The following CFAP299 variants were observed in gnomAD, a reference collection of about 807,000 sequenced individuals.
CFAP299 encodes the protein cilia- and flagella-associated protein 299.
Under a neutral mutation model 27.0 loss-of-function variants are expected in CFAP299, and 21 were observed. That is an observed-to-expected ratio of 0.78 (90% CI 0.55 to 1.12). The LOEUF (loss-of-function observed/expected upper bound fraction) is 1.12, where lower values mean the gene tolerates loss of function less well. CFAP299 is among the 50% of genes most tolerant of loss of function. The pLI, the probability that CFAP299 is intolerant of heterozygous loss-of-function variation, is 0.00. For synonymous variants in CFAP299, 104 were observed against 98.1 expected (o/e 1.06, Z -0.36); for missense variants, 310 against 276.6 (o/e 1.12, Z -0.86).
chr4:80,643,496 A>G (rs923129968), intron 3 of CFAP299, among the ~76,000 whole-genome samples: 5 of 152,234 alleles, frequency 3.3e-5, no homozygotes, highest in African/African-American at 7.2e-5. Flanking sequence ...GGATAGTTGT[A>G]TATTGATAGA....
chr4:80,800,026 A>G (rs1171793601), intron 3 of CFAP299, among the ~76,000 whole-genome samples: 2 of 61,174 alleles, frequency 3.3e-5, no homozygotes, highest in Non-Finnish European at 5.5e-5. Flanking sequence ...TATATATTAT[A>G]TATAATATAT....
chr4:80,864,823 T>C (rs569527334), intron 3 of CFAP299, among the ~76,000 whole-genome samples: 2 of 152,254 alleles, frequency 1.3e-5, no homozygotes, highest in Admixed American at 6.5e-5. Flanking sequence ...GTGCTTACCA[T>C]GTATCAGGCA....
At chr4:80,686,795 C>A (rs887594395) in intron 3 of CFAP299, among the ~76,000 whole-genome samples, 1 of 152,150 alleles carries the variant, frequency 6.6e-6, no homozygotes, top group African/African-American at 2.4e-5. Context: ...GCCAAAGATG[C>A]CTATGAAAAC....
intron 2 of CFAP299, among the ~76,000 whole-genome samples, chr4:80,484,811 ATAGTTGTGATAG>A (rs1730728478): frequency 6.6e-6 from 1 of 152,184 alleles, no homozygotes; most frequent in Non-Finnish European, 1.5e-5. Context: ...TTAATTTTTT[ATAGTTGTGATAG>A]AGGAAAATAA....
At chr4:80,812,093 T>C (rs946509543) in intron 3 of CFAP299, among the ~76,000 whole-genome samples, 1 of 152,056 alleles carries the variant, frequency 6.6e-6, no homozygotes, top group Non-Finnish European at 1.5e-5. Context: ...AGTATTCATA[T>C]ATTAGTATTC....
intron 3 of CFAP299, among the ~76,000 whole-genome samples, chr4:80,801,702 A>G (rs1728615184): frequency 6.6e-6 from 1 of 152,088 alleles, no homozygotes; most frequent in African/African-American, 2.4e-5. Context: ...CTGTACAGTT[A>G]AGGGCATCAA....
chr4:80,916,056 G>A (rs565642669), intron 4 of CFAP299, among the ~76,000 whole-genome samples: 11 of 151,272 alleles, frequency 7.3e-5, no homozygotes, highest in Non-Finnish European at 1.5e-4. Context: ...GAGGTCAGGT[G>A]TTCAAGACCA....
chr4:80,800,399 A>G (rs1223976631), intron 3 of CFAP299, among the ~76,000 whole-genome samples: 1 of 52,326 alleles, frequency 1.9e-5, no homozygotes, highest in African/African-American at 1.2e-4. Flanking sequence ...TATTAATATA[A>G]TATATATTGA....
chr4:80,699,663 C>G (rs1328051572), intron 3 of CFAP299, among the ~76,000 whole-genome samples: 2 of 152,186 alleles, frequency 1.3e-5, no homozygotes, highest in Non-Finnish European at 2.9e-5. Flanking sequence ...GGCATTTTTA[C>G]TAGATCAAGT....
chr4:80,607,385 C>A, intron 3 of CFAP299, among the ~76,000 whole-genome samples: 1 of 139,814 alleles, frequency 7.2e-6, no homozygotes, highest in African/African-American at 2.7e-5. Flanking sequence ...CTCTGCCTTT[C>A]TTAAAAGCAA....
intron 3 of CFAP299, among the ~76,000 whole-genome samples, chr4:80,689,261 TGAAG>T (rs1465996236): frequency 6.6e-6 from 1 of 151,840 alleles, no homozygotes; most frequent in African/African-American, 2.4e-5. Flanking sequence ...AACGTTGAAA[TGAAG>T]GAAAAAATGT....
chr4:80,565,725 G>A (rs1735247530), intron 2 of CFAP299, among the ~76,000 whole-genome samples: 1 of 152,012 alleles, frequency 6.6e-6, no homozygotes, highest in South Asian at 2.1e-4. Flanking sequence ...TCCATAATGA[G>A]ATATACTCTA....
At chr4:80,676,455 A>G (rs1026246148) in intron 3 of CFAP299, among the ~76,000 whole-genome samples, 2 of 152,138 alleles carry the variant, frequency 1.3e-5, no homozygotes, top group African/African-American at 2.4e-5. Flanking sequence ...TGATATCAGG[A>G]TAATGCTGGC....
At chr4:80,916,914 G>A (rs865951201) in intron 4 of CFAP299, among the ~76,000 whole-genome samples, 1 of 152,010 alleles carries the variant, frequency 6.6e-6, no homozygotes, top group Non-Finnish European at 1.5e-5. Context: ...CTAGAAATAG[G>A]GAGTCCGACA....
intron 3 of CFAP299, among the ~76,000 whole-genome samples, chr4:80,808,379 C>A (rs1409810181): frequency 2.6e-5 from 4 of 152,072 alleles, no homozygotes; most frequent in Admixed American, 6.6e-5. Context: ...ATTAGTTTAG[C>A]CTGAAATACT....
intron 2 of CFAP299, among the ~76,000 whole-genome samples, chr4:80,465,060 G>A (rs994974320): frequency 2.0e-5 from 3 of 152,044 alleles, no homozygotes; most frequent in Non-Finnish European, 4.4e-5. Flanking sequence ...AAGGATAAAT[G>A]TTATAATTCT....
intron 2 of CFAP299, among the ~76,000 whole-genome samples, chr4:80,392,727 A>T (rs1286509992): frequency 2.6e-5 from 4 of 152,170 alleles, no homozygotes; most frequent in African/African-American, 9.7e-5. Context: ...TGTCTTTATT[A>T]GCAGCATGAG....
At position 80,675,930 on chromosome 4, in the gene CFAP299, CCAGGTA is replaced by C. The variant is rs557873805; in HGVS notation, c.333+92751_333+92756del. Reference sequence around the variant, plus strand: ...ATGTGGGTGGGAGTGTCCCTATTTTCCAGGTACAGTCTGTCATGACTTCCCTTTGCT... The same window carrying C: ...ATGTGGGTGGGAGTGTCCCTATTTTCCAGTCTGTCATGACTTCCCTTTGCT... On this transcript the variant is annotated intron_variant, in intron 3 of 5. Coordinates refer to ENST00000358105, the MANE Select transcript of CFAP299 (RefSeq NM_152770.3). Among the ~76,000 whole-genome samples the C allele has an allele frequency of 1.1e-3, 171 of 152,258 alleles. 1 individual carries two copies. Among genetic ancestry groups the C allele is most frequent in the Non-Finnish European group, 1.8e-3 (121 of 68,010 alleles).
intron 3 of CFAP299, among the ~76,000 whole-genome samples, chr4:80,599,028 T>G (rs1737196702): frequency 6.6e-6 from 1 of 152,182 alleles, no homozygotes; most frequent in South Asian, 2.1e-4. Flanking sequence ...TCTAGCCACC[T>G]CCAACTATGT....
Sources: allele counts gnomAD v4.1 joint callset (sites outside exome capture counted in the v4.1 genomes callset), GRCh38; gene constraint gnomAD v4.1.1; transcripts MANE v1.5; gene names NCBI Gene and HGNC (gene_info 2026-07-23, HGNC 2026-07-21).